Variants in COL8A2 observed in about 807,000 individuals in gnomAD.
COL8A2 encodes collagen type VIII alpha 2 chain.
COL8A2 carries 16 observed loss-of-function variants against 24.0 expected under a neutral mutation model. The observed-to-expected ratio is 0.67, with a 90% confidence interval of 0.45 to 1.01. The LOEUF (loss-of-function observed/expected upper bound fraction) is 1.01, where lower values mean the gene tolerates loss of function less well. Ranked by LOEUF, COL8A2 falls within the 50% of genes least tolerant of loss-of-function variation. The probability of loss-of-function intolerance (pLI) is 0.00; values close to 1 mark genes in which losing one functional copy is unlikely to be tolerated. For synonymous variants in COL8A2, 466 were observed against 424.5 expected (o/e 1.10, Z -1.20); for missense variants, 818 against 942.4 (o/e 0.87, Z 1.73).
Position 36,115,717 on chromosome 1 carries a change from C to T in COL8A2, c.-26G>A, listed in dbSNP as rs775758046. The T allele has an allele frequency of 1.4e-5, 14 of 985,146 alleles. No homozygotes were observed. The highest frequency in any genetic ancestry group is 9.6e-6 in the Non-Finnish European group (8 of 829,998). 61.0% of individuals were successfully genotyped at this position (985,146 alleles called of 1,614,324 possible). On this transcript the variant is annotated 5_prime_UTR_variant, in exon 2 of 4. Coordinates refer to ENST00000397799, the MANE Select transcript of COL8A2 (RefSeq NM_005202.4). This position sits in a 1 kb window ranked among gnomAD's most constrained non-coding sequence, Gnocchi z 5.7. ...CCCAAACCTAGCTTACCTTTCAGGTCGGAGGGGCCTGGGAAGGTTCCAGCA... is the reference window on the plus strand; with the variant it reads ...CCCAAACCTAGCTTACCTTTCAGGTTGGAGGGGCCTGGGAAGGTTCCAGCA...
intron 1 of COL8A2, among the ~76,000 whole-genome samples, chr1:36,119,969 A>T (rs1431752640): frequency 2.6e-5 from 4 of 152,148 alleles, no homozygotes; most frequent in Admixed American, 2.6e-4. Context: ...ACCAGAGGCC[A>T]GGACCCCCAG....
intron 3 of COL8A2, among the ~76,000 whole-genome samples, 164 bp downstream of exon 3, chr1:36,099,886 C>T (rs534576105): frequency 6.6e-6 from 1 of 152,184 alleles, no homozygotes. Flanking sequence ...CTAACTGCAC[C>T]GTTTCCAGGC....
At chr1:36,105,624 G>T (rs749180081) in intron 2 of COL8A2, among the ~76,000 whole-genome samples, 1 of 152,118 alleles carries the variant, frequency 6.6e-6, no homozygotes, top group Admixed American at 6.5e-5. Context: ...CCTCATACAC[G>T]CCTGTGAGGT....
At chr1:36,105,443 C>CT (rs757706176) in intron 2 of COL8A2, among the ~76,000 whole-genome samples, 5 of 152,226 alleles carry the variant, frequency 3.3e-5, no homozygotes, top group South Asian at 2.1e-4. Flanking sequence ...CTGTAAGAGT[C>CT]TAAGTGTCAG....
chr1:36,098,485 C>G lies in COL8A2; in HGVS notation c.1196G>C (p.Ser399Thr). 1 of 1,580,768 alleles carries G rather than the reference C, an allele frequency of 6.3e-7. No homozygotes were observed. Among genetic ancestry groups the G allele is most frequent in the Non-Finnish European group, 8.6e-7 (1 of 1,163,928 alleles). The change falls in exon 4 of 4, where the codon AGT (serine) becomes ACT (threonine). Residue 399 changes from serine to threonine, a missense_variant. Physicochemically the swap from Ser to Thr is moderately conservative, Grantham distance 58 (BLOSUM62 1). This residue lies in a region of COL8A2 where 573 missense variants were observed against 616.8 expected (regional missense o/e 0.93). Transcript: ENST00000397799. ...GACCCCTGGTTTCCCAGCCAGGCCACTAGGCCCCTGGTCACCTCGAATGCC... is the reference window on the plus strand; with the variant it reads ...GACCCCTGGTTTCCCAGCCAGGCCAGTAGGCCCCTGGTCACCTCGAATGCC... ...VPGIRGDQGP[S>T]GLAGKPGVPG...
chr1:36,101,372 T>G (rs1643677620), intron 2 of COL8A2, among the ~76,000 whole-genome samples: 1 of 152,206 alleles, frequency 6.6e-6, no homozygotes, highest in African/African-American at 2.4e-5. Context: ...CTGCCTGCAA[T>G]GTTATTTTCC....
intron 1 of COL8A2, among the ~76,000 whole-genome samples, chr1:36,117,679 C>T (rs184813144): frequency 4.6e-5 from 7 of 152,074 alleles, no homozygotes; most frequent in African/African-American, 1.7e-4. Context: ...GATGAGAAAA[C>T]TAAGGGACAG....
At chr1:36,124,485 G>C (rs1643936755) in intron 1 of COL8A2, among the ~76,000 whole-genome samples, 1 of 152,056 alleles carries the variant, frequency 6.6e-6, no homozygotes, top group African/African-American at 2.4e-5. Context: ...CTGAGCCCCT[G>C]ACAGGAACAT....
chr1:36,118,974 A>G (rs929128828), intron 1 of COL8A2, among the ~76,000 whole-genome samples: 3 of 151,852 alleles, frequency 2.0e-5, no homozygotes, highest in African/African-American at 7.3e-5. Context: ...CTAGCATGAG[A>G]CCTCCACCTG....
Position 36,098,503 on chromosome 1 carries a change from C to T in COL8A2, c.1178G>A (p.Arg393Gln), listed in dbSNP as rs748713100. Residue 393 changes from arginine to glutamine, a missense_variant, in exon 4 of 4, where the codon CGA becomes CAA. Physicochemically the swap from Arg to Gln is conservative, Grantham distance 43. Coordinates refer to ENST00000397799, the MANE Select transcript of COL8A2 (RefSeq NM_005202.4). Reference sequence around the variant, plus strand: ...CAGGCCACTAGGCCCCTGGTCACCTCGAATGCCAGGCACTCCTGGGGGTCC... The same window carrying T: ...CAGGCCACTAGGCCCCTGGTCACCTTGAATGCCAGGCACTCCTGGGGGTCC... ...PGGPPGVPGI[R>Q]GDQGPSGLAG... is the part of the protein sequence containing the mutation. The T allele has an allele frequency of 1.6e-5, 25 of 1,587,490 alleles. No individual in the cohort carries two copies. In the Middle Eastern group the frequency reaches 5.0e-4, roughly 31 times the overall value.
At chr1:36,109,742 G>A (rs879173279) in intron 2 of COL8A2, among the ~76,000 whole-genome samples, 1 of 150,888 alleles carries the variant, frequency 6.6e-6, no homozygotes, top group Admixed American at 6.6e-5. Flanking sequence ...GCTAATTTTT[G>A]TATTTTTAGT....
chr1:36,106,735 C>T (rs189392449), intron 2 of COL8A2, among the ~76,000 whole-genome samples: 1 of 152,132 alleles, frequency 6.6e-6, no homozygotes, highest in African/African-American at 2.4e-5. Context: ...GCCCCAAGTG[C>T]AGCCAGGAGC....
chr1:36,113,054 G>A (rs1156885079), intron 2 of COL8A2, among the ~76,000 whole-genome samples: 1 of 152,162 alleles, frequency 6.6e-6, no homozygotes, highest in Non-Finnish European at 1.5e-5. Context: ...GGAAGGAGGG[G>A]GTAGAGAGAT....
chr1:36,098,047 T>C lies in COL8A2; in HGVS notation c.1634A>G (p.His545Arg). 6.3e-7 allele frequency: 1 copy of C among 1,587,150 alleles called. No homozygotes were observed. Among genetic ancestry groups the C allele is most frequent in the South Asian group, 1.1e-5 (1 of 89,608 alleles). The change falls in exon 4 of 4, where the codon CAC becomes CGC. Residue 545 changes from histidine (H) to arginine (R), a missense_variant. Coordinates refer to ENST00000397799, the MANE Select transcript of COL8A2 (RefSeq NM_005202.4). ...ACCCTCCACACCGCCGTTGGGCAGG[T>C]GCAAGCCTGCGATGCCAGTCTCATC... ...AFDETGIAGL[H>R]LPNGGVEGAV...
In COL8A2 at chr1:36,098,477, C is replaced by T; in HGVS notation, c.1204G>A (p.Ala402Thr). The T allele has an allele frequency of 6.3e-6, 10 of 1,577,392 alleles. No individual in the cohort carries two copies. The highest frequency in any genetic ancestry group is 8.6e-6 in the Non-Finnish European group (10 of 1,162,102). Residue 402 changes from alanine to threonine, a missense_variant, in exon 4 of 4, where the codon GCT (alanine) becomes ACT (threonine). Coordinates refer to ENST00000397799, the MANE Select transcript of COL8A2 (RefSeq NM_005202.4). ...TCACCTGGGACCCCTGGTTTCCCAGCCAGGCCACTAGGCCCCTGGTCACCT... is the reference window on the plus strand; with the variant it reads ...TCACCTGGGACCCCTGGTTTCCCAGTCAGGCCACTAGGCCCCTGGTCACCT... ...IRGDQGPSGL[A>T]GKPGVPGERG...
chr1:36,122,245 AT>A (rs1452780658), intron 1 of COL8A2, among the ~76,000 whole-genome samples: 1 of 152,094 alleles, frequency 6.6e-6, no homozygotes, highest in Non-Finnish European at 1.5e-5. Context: ...CATTTTAGAG[AT>A]GGGGAAACTG....
At chr1:36,100,996 C>T (rs1295145043) in intron 2 of COL8A2, among the ~76,000 whole-genome samples, 8 of 142,596 alleles carry the variant, frequency 5.6e-5, no homozygotes, top group South Asian at 2.3e-4. Context: ...CGGGTTCAAG[C>T]GATTCTCGTG....
intron 2 of COL8A2, among the ~76,000 whole-genome samples, chr1:36,113,086 C>A (rs1161480869): frequency 6.6e-6 from 1 of 152,168 alleles, no homozygotes; most frequent in African/African-American, 2.4e-5. Flanking sequence ...CCAGCAAAGC[C>A]CTGAGGTCAC....
intron 2 of COL8A2, among the ~76,000 whole-genome samples, chr1:36,104,257 C>T (rs1039888523): frequency 2.0e-5 from 3 of 150,468 alleles, no homozygotes; most frequent in Non-Finnish European, 3.0e-5. Flanking sequence ...TTTGGGAGGC[C>T]GAGGCGAGTG....
Sources: gnomAD v4.1 joint callset for allele counts (sites outside exome capture counted in the v4.1 genomes callset) on GRCh38, gnomAD v4.1.1 for gene constraint, gnomAD v4.1.1 regional missense constraint, Gnocchi (gnomAD v3.1) non-coding constraint, MANE v1.5 for transcripts, NCBI Gene and HGNC (gene_info 2026-07-23, HGNC 2026-07-21) for gene names.